RGS6: variants seen among roughly 807,000 people sequenced by gnomAD.
RGS6 encodes the protein regulator of G protein signaling 6.
RGS6 carries 30 observed loss-of-function variants against 78.5 expected under a neutral mutation model. The ratio of observed to expected loss-of-function variants is 0.38; its 90% CI spans 0.29 to 0.52. The LOEUF (loss-of-function observed/expected upper bound fraction) is 0.52, where lower values mean the gene tolerates loss of function less well. Among genes scored for constraint, RGS6 ranks in the 20% least tolerant of loss-of-function variants. The probability of loss-of-function intolerance (pLI) is 0.85; values close to 1 mark genes in which losing one functional copy is unlikely to be tolerated. For missense variants in RGS6, 495 were observed against 609.7 expected, an observed-to-expected ratio of 0.81 and a Z score of 1.98; for synonymous variants, 206 against 206.0, an observed-to-expected ratio of 1.00 and a Z score of 0.00.
At chr14:72,424,435 G>A (rs575062934) in intron 3 of RGS6, among the ~76,000 whole-genome samples, 6 of 152,238 alleles carry the variant, frequency 3.9e-5, no homozygotes, top group Admixed American at 1.3e-4. Flanking sequence ...GAATTAATGC[G>A]TGTCCGGGCA....
chr14:72,378,680 A>G (rs1476647053), intron 3 of RGS6, among the ~76,000 whole-genome samples: 5 of 152,144 alleles, frequency 3.3e-5, no homozygotes, highest in Non-Finnish European at 7.4e-5. Context: ...AACAAGTAAT[A>G]AGATTAAATC....
chr14:71,975,631 G>A (rs1186707068), intron 2 of RGS6, among the ~76,000 whole-genome samples: 1 of 152,006 alleles, frequency 6.6e-6, no homozygotes, highest in East Asian at 1.9e-4. Context: ...AATAATTTTT[G>A]TATTTTTAGT....
chr14:72,298,352 G>T (rs1348751403), intron 2 of RGS6, among the ~76,000 whole-genome samples: 1 of 150,130 alleles, frequency 6.7e-6, no homozygotes, highest in African/African-American at 2.4e-5. Context: ...TATTATGTAT[G>T]TGTGGATACA....
At chr14:72,407,711 T>G (rs1354071973) in intron 3 of RGS6, among the ~76,000 whole-genome samples, 1 of 152,240 alleles carries the variant, frequency 6.6e-6, no homozygotes, top group Non-Finnish European at 1.5e-5. Flanking sequence ...ACCTCTCTAG[T>G]GCAATGACAT....
At chr14:72,391,862 C>A (rs1439498910) in intron 3 of RGS6, among the ~76,000 whole-genome samples, 1 of 152,132 alleles carries the variant, frequency 6.6e-6, no homozygotes, top group African/African-American at 2.4e-5. Context: ...CGTTTTCTGT[C>A]CTTGTGATAG....
chr14:72,115,394 A>C (rs761895361), intron 2 of RGS6, among the ~76,000 whole-genome samples: 1 of 152,190 alleles, frequency 6.6e-6, no homozygotes, highest in African/African-American at 2.4e-5. Context: ...ATTAGAACCC[A>C]TGGGGATAAG....
intron 2 of RGS6, among the ~76,000 whole-genome samples, chr14:72,218,405 G>T (rs1040643788): frequency 6.6e-6 from 1 of 151,770 alleles, no homozygotes; most frequent in Non-Finnish European, 1.5e-5. Context: ...TATTAATATT[G>T]AATTAATATG....
chr14:71,907,303 C>A, the RGS6 span, among the ~76,000 whole-genome samples: 1 of 152,152 alleles, frequency 6.6e-6, no homozygotes, highest in Non-Finnish European at 1.5e-5. Context: ...TCTGCAGGGT[C>A]AGGATTGCTT....
At chr14:72,138,234 C>A (rs1254842731) in intron 2 of RGS6, among the ~76,000 whole-genome samples, 1 of 152,096 alleles carries the variant, frequency 6.6e-6, no homozygotes, top group Admixed American at 6.6e-5. Context: ...TAAGCTACAT[C>A]ACCTGTTATT....
chr14:72,384,204 G>A (rs1304737434), intron 3 of RGS6, among the ~76,000 whole-genome samples: 1 of 152,094 alleles, frequency 6.6e-6, no homozygotes, highest in African/African-American at 2.4e-5. Flanking sequence ...TGGAAAAGAT[G>A]AAAAAACAGA....
At chr14:72,541,210 C>T (rs2153511765) in intron 17 of RGS6, 2 of 1,406,740 alleles carry the variant, frequency 1.4e-6, no homozygotes, top group Non-Finnish European at 1.9e-6. Context: ...GGAGGAAAAT[C>T]CTTGTAAAAC....
intron 2 of RGS6, among the ~76,000 whole-genome samples, chr14:72,310,313 C>T (rs1169254083): frequency 6.6e-6 from 1 of 152,218 alleles, no homozygotes; most frequent in Admixed American, 6.5e-5. Flanking sequence ...TTGTTTCTCT[C>T]CTCTGTCTTC....
At chr14:71,937,282 C>T (rs929945506) in intron 1 of RGS6, among the ~76,000 whole-genome samples, 2 of 152,140 alleles carry the variant, frequency 1.3e-5, no homozygotes, top group African/African-American at 4.8e-5. Context: ...GTGTTCCTCC[C>T]TCTGGAACTA....
At chr14:72,283,033 CCTT>C (rs1294525847) in intron 2 of RGS6, among the ~76,000 whole-genome samples, 3 of 152,158 alleles carry the variant, frequency 2.0e-5, no homozygotes, top group Non-Finnish European at 2.9e-5. Flanking sequence ...TAGTATTTGT[CCTT>C]CTGTGACTGG....
At chr14:71,875,869 A>C in the RGS6 span, among the ~76,000 whole-genome samples, 1 of 152,314 alleles carries the variant, frequency 6.6e-6, no homozygotes, top group South Asian at 2.1e-4. Context: ...GGTTTCAAAG[A>C]ACATCTTTAT....
chr14:72,550,732 A>G, intron 17 of RGS6: 2 of 1,154,146 alleles, frequency 1.7e-6, no homozygotes, highest in Non-Finnish European at 1.2e-6. Flanking sequence ...GAGGTTTTAC[A>G]CCTGATGGAG....
In RGS6 at chr14:72,385,909, A is replaced by G. The variant is rs2087812978; in HGVS notation, c.184+33715A>G. 3.3e-5 allele frequency among the ~76,000 whole-genome samples: 5 copies of G among 152,208 alleles called. No homozygotes were observed. In the South Asian group the frequency reaches 1.0e-3, roughly 32 times the overall value. On this transcript the variant is annotated intron_variant, in intron 3 of 17. Coordinates refer to ENST00000553525, the MANE Select transcript of RGS6 (RefSeq NM_001204424.2). The stretch of plus-strand genomic sequence containing the variant: ...TTAGTCATGAACGAGGGTGGAAGAA[A>G]GCTAATATCACATGTTGACCTTTCA...
chr14:72,345,177 C>T (rs1414616578), intron 2 of RGS6, among the ~76,000 whole-genome samples: 2 of 152,118 alleles, frequency 1.3e-5, no homozygotes, highest in African/African-American at 4.8e-5. Flanking sequence ...TCCCACCTTT[C>T]ACAGAGAAGG....
the RGS6 span, among the ~76,000 whole-genome samples, chr14:72,615,377 G>A: frequency 6.6e-6 from 1 of 152,184 alleles, no homozygotes; most frequent in Non-Finnish European, 1.5e-5. Flanking sequence ...TGCCCCGAAA[G>A]GAAAAGTAAT....
Sources: allele counts gnomAD v4.1 joint callset (sites outside exome capture counted in the v4.1 genomes callset), GRCh38; gene constraint gnomAD v4.1.1; transcripts MANE v1.5; gene names NCBI Gene and HGNC (gene_info 2026-07-23, HGNC 2026-07-21).